Variants in SLC15A5 observed in about 807,000 individuals in gnomAD.
SLC15A5 encodes the protein Peptide/histidine transporter ENSP00000340402.
Under a neutral mutation model 56.1 loss-of-function variants are expected in SLC15A5, and 58 were observed. The ratio of observed to expected loss-of-function variants is 1.03; its 90% confidence interval spans 0.84 to 1.29. The LOEUF is 1.29. Ranked by LOEUF, SLC15A5 falls within the 50% of genes most tolerant of loss-of-function variation. SLC15A5 has a pLI of 0.00. For missense variants in SLC15A5, 681 were observed against 672.1 expected (o/e 1.01, Z -0.15); for synonymous variants, 264 against 250.5 (o/e 1.05, Z -0.51).
chr12:16,228,341 G>A (rs946384315), intron 5 of SLC15A5, among the ~76,000 whole-genome samples: 15 of 152,336 alleles, frequency 9.8e-5, no homozygotes, highest in African/African-American at 3.4e-4. Flanking sequence ...GCAAGACAAT[G>A]AAGTAAAAGT....
At chr12:16,201,568 A>C (rs1863956600) in intron 7 of SLC15A5, among the ~76,000 whole-genome samples, 1 of 152,120 alleles carries the variant, frequency 6.6e-6, no homozygotes, top group Non-Finnish European at 1.5e-5. Context: ...AGGTGGAGAT[A>C]GTTGAATCAT....
intron 5 of SLC15A5, among the ~76,000 whole-genome samples, chr12:16,232,929 GAA>G (rs1864311986): frequency 8.1e-6 from 1 of 123,272 alleles, no homozygotes; most frequent in Admixed American, 8.8e-5. Context: ...AAGAAAAAAA[GAA>G]AGAGAGAGAG....
chr12:16,228,274 T>G lies in SLC15A5; in HGVS notation c.1163-3672A>C, dbSNP rs76746001. ...GGGCCAGATGAAACTGAAAGAGGATTGGGGAGGGACAGCAGAGAATATCTA... is the reference window on the plus strand; with the variant it reads ...GGGCCAGATGAAACTGAAAGAGGATGGGGGAGGGACAGCAGAGAATATCTA... On this transcript the variant is annotated intron_variant, in intron 5 of 8. Coordinates refer to ENST00000344941, the MANE Select transcript of SLC15A5 (RefSeq NM_001170798.1). Among the ~76,000 whole-genome samples, 71 of 152,226 alleles carry G rather than the reference T, an allele frequency of 4.7e-4. 1 individual carries two copies. The East Asian group carries it at 0.013, about 27-fold the overall frequency.
intron 6 of SLC15A5, among the ~76,000 whole-genome samples, chr12:16,223,531 GA>G (rs1211615306): frequency 6.6e-6 from 1 of 152,100 alleles, no homozygotes; most frequent in African/African-American, 2.4e-5. Context: ...AGATAATTCA[GA>G]AACCCTTGAT....
intron 7 of SLC15A5, among the ~76,000 whole-genome samples, chr12:16,200,120 G>A (rs555401998): frequency 6.6e-6 from 1 of 151,730 alleles, no homozygotes; most frequent in South Asian, 2.1e-4. Flanking sequence ...AAGTGACTAC[G>A]ATACATGTTA....
chr12:16,217,404 G>A (rs569746862), intron 6 of SLC15A5, among the ~76,000 whole-genome samples: 13 of 152,212 alleles, frequency 8.5e-5, no homozygotes, highest in Non-Finnish European at 1.2e-4. Context: ...AATTCATTAA[G>A]TTCCTTATAG....
rs558210141 is a variant in SLC15A5, at chr12:16,194,295, C to A, written c.1592+50G>T. 172 of 1,216,558 alleles carry A rather than the reference C, an allele frequency of 1.4e-4. No homozygotes were observed. In the South Asian group the frequency reaches 2.3e-3, roughly 16 times the overall value. 75.4% of individuals were successfully genotyped at this position (1,216,558 alleles called of 1,614,324 possible). Reference sequence around the variant, plus strand: ...CCTGGCTCAGTGATGGTTCCCAGACCAATATTTCATGGACTCAGAAATTTT... The same window carrying A: ...CCTGGCTCAGTGATGGTTCCCAGACAAATATTTCATGGACTCAGAAATTTT... On this transcript the variant is annotated intron_variant, in intron 8 of 8. Transcript: ENST00000344941.
chr12:16,200,590 A>T (rs747405172), intron 7 of SLC15A5, among the ~76,000 whole-genome samples: 2 of 152,126 alleles, frequency 1.3e-5, no homozygotes, highest in Non-Finnish European at 2.9e-5. Flanking sequence ...AGAAGTTTCA[A>T]TAACATTAGA....
At chr12:16,205,594 T>A (rs200314541) in intron 7 of SLC15A5, among the ~76,000 whole-genome samples, 1 of 38,448 alleles carries the variant, frequency 2.6e-5, no homozygotes, top group Non-Finnish European at 4.9e-5. Context: ...TATATATACA[T>A]ATACACACAC....
rs138130541 is a variant in SLC15A5, at chr12:16,252,692, T to C, written c.754+5009A>G. 1.4e-3 allele frequency among the ~76,000 whole-genome samples: 209 copies of C among 152,212 alleles called. 6 individuals carry two copies. In the East Asian group the frequency reaches 0.027, roughly 19 times the overall value. On this transcript the variant is annotated intron_variant, in intron 3 of 8. Transcript: ENST00000344941. ...TGGAAAGATATCCTGAGCTTGTGAA[T>C]TGGAAGACTTAATATTGTTAAAATG... is the stretch of plus-strand genomic sequence containing the variant.
At position 16,188,804 on chromosome 12, in the gene SLC15A5, A is replaced by G. The variant is rs1409417297; in HGVS notation, c.*864T>C. ...GACAAATACTGCTACTGAGAAACAGACTTTAATTTTATTTGATTTTTTAAA... is the reference window on the plus strand; with the variant it reads ...GACAAATACTGCTACTGAGAAACAGGCTTTAATTTTATTTGATTTTTTAAA... On this transcript the variant is annotated 3_prime_UTR_variant, in exon 9 of 9. Coordinates refer to ENST00000344941, the MANE Select transcript of SLC15A5 (RefSeq NM_001170798.1). 1 of 152,216 alleles carries G rather than the reference A, an allele frequency of 6.6e-6. No homozygotes were observed. Among genetic ancestry groups the G allele is most frequent in the Non-Finnish European group, 1.5e-5 (1 of 68,038 alleles). The allele number at this position is 152,216 out of a possible 1,614,324, so 9.4% of individuals were successfully genotyped here.
At chr12:16,228,506 C>T (rs528423331) in intron 5 of SLC15A5, among the ~76,000 whole-genome samples, 9 of 152,346 alleles carry the variant, frequency 5.9e-5, no homozygotes, top group African/African-American at 1.9e-4. Context: ...CCCCTACCTC[C>T]AAATACATCA....
chr12:16,232,444 C>G (rs755446879), intron 5 of SLC15A5, among the ~76,000 whole-genome samples: 2 of 152,034 alleles, frequency 1.3e-5, no homozygotes. Flanking sequence ...AGAAAGGAAA[C>G]TTTTTTTAAA....
chr12:16,270,135 C>T (rs960229321), intron 2 of SLC15A5, among the ~76,000 whole-genome samples: 2 of 152,140 alleles, frequency 1.3e-5, no homozygotes, highest in Non-Finnish European at 2.9e-5. Flanking sequence ...GTAATGTTGG[C>T]TGGGAGTGGT....
At chr12:16,212,104 T>A (rs2136244546) in intron 7 of SLC15A5, among the ~76,000 whole-genome samples, 1 of 152,290 alleles carries the variant, frequency 6.6e-6, no homozygotes, top group South Asian at 2.1e-4. Context: ...GGTGCCTAAA[T>A]GTATAATTAT....
chr12:16,234,500 ATTC>A (rs1251625111), intron 5 of SLC15A5, among the ~76,000 whole-genome samples: 1 of 152,168 alleles, frequency 6.6e-6, no homozygotes, highest in Admixed American at 6.5e-5. Context: ...TCCATTTTTA[ATTC>A]TTAACTTGTA....
chr12:16,225,415 C>G (rs1195392794), intron 5 of SLC15A5, among the ~76,000 whole-genome samples: 1 of 152,166 alleles, frequency 6.6e-6, no homozygotes, highest in Non-Finnish European at 1.5e-5. Context: ...ATGTCTAAAA[C>G]ACCAAAAGCA....
rs187435725 is a variant in SLC15A5 at position 16,229,564 on chromosome 12, A to G, written c.1163-4962T>C. 1.8e-3 allele frequency among the ~76,000 whole-genome samples: 279 copies of G among 152,034 alleles called. 1 individual carries two copies. The highest frequency in any genetic ancestry group is 8.1e-4 in the Non-Finnish European group (55 of 67,982). ...CAATTACTTCATTGGAAGATTCACAAGAATTGGATCTAAGTTTGTTTTGTT... is the reference window on the plus strand; with the variant it reads ...CAATTACTTCATTGGAAGATTCACAGGAATTGGATCTAAGTTTGTTTTGTT... On this transcript the variant is annotated intron_variant, in intron 5 of 8. Transcript: ENST00000344941.
chr12:16,255,134 C>CA (rs540572543), intron 3 of SLC15A5, among the ~76,000 whole-genome samples: 141 of 152,034 alleles, frequency 9.3e-4, no homozygotes, highest in Non-Finnish European at 1.8e-3. Context: ...TTAAAAGCTA[C>CA]AATAAATAGT....
Sources: gnomAD v4.1 joint callset for allele counts (sites outside exome capture counted in the v4.1 genomes callset) on GRCh38, gnomAD v4.1.1 for gene constraint, MANE v1.5 for transcripts, NCBI Gene and HGNC (gene_info 2026-07-23, HGNC 2026-07-21) for gene names.